Variants in RGS6 observed in about 807,000 individuals in gnomAD.
The protein encoded by RGS6 is regulator of G protein signaling 6.
RGS6 carries 30 observed loss-of-function variants against 78.5 expected under a neutral mutation model. The observed-to-expected ratio is 0.38, with a 90% CI of 0.29 to 0.52. The LOEUF is 0.52. RGS6 is among the 20% of genes least tolerant of loss of function. RGS6 has a pLI of 0.85. For synonymous variants in RGS6, 206 were observed against 206.0 expected (o/e 1.00, Z 0.00); for missense variants, 495 against 609.7 (o/e 0.81, Z 1.98).
chr14:72,024,516 C>T (rs934141531), intron 2 of RGS6, among the ~76,000 whole-genome samples: 2 of 152,170 alleles, frequency 1.3e-5, no homozygotes, highest in African/African-American at 2.4e-5. Context: ...CTCAGAAATT[C>T]GTCCCCAGCA....
chr14:72,473,174 C>T (rs755282391), intron 9 of RGS6, among the ~76,000 whole-genome samples: 16 of 152,144 alleles, frequency 1.1e-4, no homozygotes, highest in Non-Finnish European at 1.6e-4. Flanking sequence ...CCGGGCATGG[C>T]GGCTCACGCC....
At chr14:72,365,310 A>G (rs2082254259) in intron 3 of RGS6, among the ~76,000 whole-genome samples, 1 of 152,220 alleles carries the variant, frequency 6.6e-6, no homozygotes, top group South Asian at 2.1e-4. Context: ...TAGAGATAAC[A>G]GGGGAGGTAT....
the RGS6 span, among the ~76,000 whole-genome samples, chr14:71,878,867 G>T: frequency 6.6e-6 from 1 of 152,174 alleles, no homozygotes; most frequent in East Asian, 1.9e-4. Context: ...CCAGCAGTTT[G>T]TTTCATCCTT....
rs995344231 is a variant in RGS6, at chr14:72,089,141, G to C, written c.84+124266G>C. Among the ~76,000 whole-genome samples the C allele has an allele frequency of 3.9e-5, 6 of 152,346 alleles. No individual in the cohort carries two copies. In the East Asian group the frequency reaches 1.2e-3, roughly 29 times the overall value. On this transcript the variant is annotated intron_variant, in intron 2 of 17. Transcript: ENST00000553525. ...CATAAAGAGAACAAGAATCTTGACT[G>C]GTTCACCCTTCAATTCCTTGTGCCC...
chr14:72,159,211 G>A (rs1477884554), intron 2 of RGS6, among the ~76,000 whole-genome samples: 1 of 152,186 alleles, frequency 6.6e-6, no homozygotes, highest in Non-Finnish European at 1.5e-5. Flanking sequence ...GAGGCTCTAA[G>A]ACATTATGCG....
the RGS6 span, among the ~76,000 whole-genome samples, chr14:71,918,253 A>T: frequency 2.7e-5 from 4 of 148,874 alleles, no homozygotes; most frequent in African/African-American, 9.9e-5. Context: ...ACTTGGAGGA[A>T]CTCTCGAACT....
chr14:71,897,148 T>A, the RGS6 span, among the ~76,000 whole-genome samples: 12 of 152,244 alleles, frequency 7.9e-5, no homozygotes, highest in Admixed American at 7.8e-4. Context: ...CCTAGCATAG[T>A]GCTAGGCACA....
At chr14:72,510,333 T>C in intron 14 of RGS6, 54 bp downstream of exon 14, 2 of 1,606,630 alleles carry the variant, frequency 1.2e-6, no homozygotes, top group Non-Finnish European at 8.5e-7. Flanking sequence ...GAAATTTGCA[T>C]AATCGGTCTC....
At chr14:72,413,873 C>T (rs978271125) in intron 3 of RGS6, among the ~76,000 whole-genome samples, 2 of 152,212 alleles carry the variant, frequency 1.3e-5, no homozygotes, top group Non-Finnish European at 2.9e-5. Flanking sequence ...AAATTCTTTT[C>T]TTTAAGAATG....
At chr14:72,199,794 A>G (rs1185977002) in intron 2 of RGS6, among the ~76,000 whole-genome samples, 2 of 152,202 alleles carry the variant, frequency 1.3e-5, no homozygotes, top group African/African-American at 4.8e-5. Flanking sequence ...CTTTAATGTG[A>G]TATAAGCCAG....
intron 3 of RGS6, among the ~76,000 whole-genome samples, chr14:72,371,154 T>C (rs2083435160): frequency 6.6e-6 from 1 of 152,198 alleles, no homozygotes. Context: ...CACTGTAACA[T>C]GTTTTATTTA....
chr14:71,932,420 C>T (rs958323715), upstream of RGS6: 2 of 151,558 alleles, frequency 1.3e-5, no homozygotes, highest in African/African-American at 4.8e-5. Context: ...GCTCGCGGGC[C>T]GCGGAGCTGA....
intron 2 of RGS6, among the ~76,000 whole-genome samples, chr14:72,020,592 A>G (rs533542815): frequency 6.6e-6 from 1 of 152,184 alleles, no homozygotes; most frequent in Non-Finnish European, 1.5e-5. Context: ...AAGTGTGACT[A>G]TTCTCCAAGG....
At chr14:72,261,166 C>A (rs1045032769) in intron 2 of RGS6, among the ~76,000 whole-genome samples, 20 of 152,116 alleles carry the variant, frequency 1.3e-4, no homozygotes, top group African/African-American at 4.3e-4. Context: ...TGTGAAGGTC[C>A]CAGGATGTGA....
intron 1 of RGS6, among the ~76,000 whole-genome samples, chr14:71,960,998 A>G (rs2093153390): frequency 6.6e-6 from 1 of 152,220 alleles, no homozygotes; most frequent in Non-Finnish European, 1.5e-5. Flanking sequence ...GTATATCCCC[A>G]GGGCCTAGCA....
At chr14:71,976,424 AC>A (rs1225764412) in intron 2 of RGS6, among the ~76,000 whole-genome samples, 1 of 90,934 alleles carries the variant, frequency 1.1e-5, no homozygotes, top group Non-Finnish European at 2.1e-5. Context: ...CCCCCACCCC[AC>A]AACAGTCCCC....
intron 1 of RGS6, among the ~76,000 whole-genome samples, chr14:71,953,295 A>G (rs778510676): frequency 7.9e-5 from 12 of 152,176 alleles, no homozygotes; most frequent in Non-Finnish European, 1.6e-4. Context: ...TAAAGGGCTA[A>G]ATAGTAAATA....
chr14:72,544,026 C>T (rs569022670), intron 17 of RGS6, among the ~76,000 whole-genome samples: 2 of 152,200 alleles, frequency 1.3e-5, no homozygotes, highest in Non-Finnish European at 2.9e-5. Flanking sequence ...CACCACACCC[C>T]GCCCTCTGCT....
At chr14:72,320,911 A>G (rs1008405791) in intron 2 of RGS6, among the ~76,000 whole-genome samples, 2 of 149,820 alleles carry the variant, frequency 1.3e-5, no homozygotes, top group Admixed American at 6.7e-5. Context: ...TTACTGAAGT[A>G]TATTAGTAAA....
Sources: gnomAD v4.1 joint callset for allele counts (sites outside exome capture counted in the v4.1 genomes callset) on GRCh38, gnomAD v4.1.1 for gene constraint, MANE v1.5 for transcripts, NCBI Gene and HGNC (gene_info 2026-07-23, HGNC 2026-07-21) for gene names.